GALNT16: variants seen among roughly 807,000 people sequenced by gnomAD.
GALNT16 encodes polypeptide N-acetylgalactosaminyltransferase 16, also known as UDP-GalNAc:polypeptide N-acetylgalactosaminyltransferase-like protein 1.
GALNT16 carries 40 observed loss-of-function variants against 76.1 expected under a neutral mutation model. The observed-to-expected ratio is 0.53, with a 90% CI of 0.41 to 0.68. The LOEUF (loss-of-function observed/expected upper bound fraction) is 0.68, where lower values mean the gene tolerates loss of function less well. Among genes scored for constraint, GALNT16 ranks in the 30% least tolerant of loss-of-function variants. The pLI, the probability that GALNT16 is intolerant of heterozygous loss-of-function variation, is 0.00. For synonymous variants in GALNT16, 276 were observed against 285.2 expected (o/e 0.97, Z 0.32); for missense variants, 621 against 731.9 (o/e 0.85, Z 1.75).
intron 1 of GALNT16, among the ~76,000 whole-genome samples, chr14:69,304,211 G>A (rs2044898746): frequency 1.3e-5 from 2 of 152,172 alleles, no homozygotes; most frequent in Non-Finnish European, 2.9e-5. Flanking sequence ...TACCCCTTCA[G>A]TTCTGATTTG....
At chr14:69,296,297 ACCTC>A (rs2044758715) in intron 1 of GALNT16, among the ~76,000 whole-genome samples, 1 of 151,852 alleles carries the variant, frequency 6.6e-6, no homozygotes, top group South Asian at 2.1e-4. Context: ...TGGTCCAATC[ACCTC>A]CCTCCAGGCC....
At chr14:69,326,506 C>G (rs946369660) in intron 5 of GALNT16, among the ~76,000 whole-genome samples, 1 of 152,182 alleles carries the variant, frequency 6.6e-6, no homozygotes, top group Non-Finnish European at 1.5e-5. Flanking sequence ...GGGTCAGAAT[C>G]CACTGCAGCC....
At chr14:69,310,241 T>C (rs1169614653) in intron 1 of GALNT16, among the ~76,000 whole-genome samples, 3 of 152,182 alleles carry the variant, frequency 2.0e-5, no homozygotes, top group African/African-American at 4.8e-5. Flanking sequence ...TACTATTATA[T>C]GAATAGCATC....
intron 14 of GALNT16, chr14:69,349,831 G>T (rs1230420685): frequency 6.6e-6 from 1 of 152,250 alleles, no homozygotes; most frequent in Non-Finnish European, 1.5e-5. Flanking sequence ...CCCTGAGATT[G>T]TGCCTAATAG....
intron 6 of GALNT16, among the ~76,000 whole-genome samples, chr14:69,330,487 G>A (rs931494018): frequency 6.6e-6 from 1 of 152,160 alleles, no homozygotes; most frequent in South Asian, 2.1e-4. Flanking sequence ...CATCAATTGT[G>A]TACTTTAAAC....
intron 1 of GALNT16, among the ~76,000 whole-genome samples, chr14:69,278,674 T>A (rs915377229): frequency 6.6e-6 from 1 of 152,218 alleles, no homozygotes; most frequent in Admixed American, 6.5e-5. Flanking sequence ...TGTTGTATTT[T>A]AGGTAAAAAA....
At chr14:69,341,812 G>C in intron 12 of GALNT16, 48 bp downstream of exon 12, 1 of 1,321,272 alleles carries the variant, frequency 7.6e-7, no homozygotes, top group Non-Finnish European at 1.1e-6. Flanking sequence ...GTAGGGGGTG[G>C]TTGGGGCCAG....
intron 1 of GALNT16, among the ~76,000 whole-genome samples, chr14:69,313,874 T>C (rs1317327573): frequency 2.6e-5 from 4 of 152,232 alleles, no homozygotes; most frequent in Non-Finnish European, 4.4e-5. Context: ...AAAACCAGAC[T>C]CGCGGTTAGC....
chr14:69,322,665 G>T (rs1051294982), intron 2 of GALNT16, among the ~76,000 whole-genome samples: 1 of 152,194 alleles, frequency 6.6e-6, no homozygotes, highest in African/African-American at 2.4e-5. Context: ...GCTGAGGTGG[G>T]TGGATCATTT....
chr14:69,274,039 G>T (rs1301261290), intron 1 of GALNT16, among the ~76,000 whole-genome samples: 2 of 152,130 alleles, frequency 1.3e-5, no homozygotes, highest in Admixed American at 1.3e-4. Context: ...AAGTGTCAGG[G>T]TTCATATTCT....
At chr14:69,269,620 G>A (rs2044381660) in intron 1 of GALNT16, among the ~76,000 whole-genome samples, 1 of 147,320 alleles carries the variant, frequency 6.8e-6, no homozygotes, top group African/African-American at 2.5e-5. Context: ...TATATGTTGT[G>A]TGTGTGTGGT....
At chr14:69,385,556 C>T in the GALNT16 span, among the ~76,000 whole-genome samples, 1 of 151,610 alleles carries the variant, frequency 6.6e-6, no homozygotes, top group Admixed American at 6.6e-5. Context: ...GCAAACTTAC[C>T]ATTACTTTTC....
At chr14:69,359,870 C>T (rs1303475036), downstream of GALNT16, among the ~76,000 whole-genome samples, 1 of 151,724 alleles carries the variant, frequency 6.6e-6, no homozygotes, top group Non-Finnish European at 1.5e-5. Flanking sequence ...ACTAAAAATA[C>T]AAAAAATTAT....
At chr14:69,312,119 C>G (rs1444475262) in intron 1 of GALNT16, among the ~76,000 whole-genome samples, 3 of 150,868 alleles carry the variant, frequency 2.0e-5, no homozygotes, top group African/African-American at 7.3e-5. Flanking sequence ...ATCTATCTGT[C>G]TAATATATAT....
chr14:69,290,176 T>C (rs763542626), intron 1 of GALNT16, among the ~76,000 whole-genome samples: 1 of 152,230 alleles, frequency 6.6e-6, no homozygotes, highest in Non-Finnish European at 1.5e-5. Context: ...CATGTGTTCA[T>C]CTTTCTCACC....
rs554029977 is a variant in GALNT16 at position 69,317,210 on chromosome 14, T to A, written c.178-3501T>A. ...TGCAGCCAAGTGCCAAATGATGCAT[T>A]TACTCCCTCGCCAATACACTTAGTG... On this transcript the variant is annotated intron_variant, in intron 1 of 14. Transcript: ENST00000448469. Among the ~76,000 whole-genome samples, 11 of 152,278 alleles carry A rather than the reference T, an allele frequency of 7.2e-5. No individual in the cohort carries two copies. The South Asian group carries it at 2.3e-3, about 32-fold the overall frequency.
the GALNT16 span, among the ~76,000 whole-genome samples, chr14:69,379,441 A>T: frequency 1.3e-5 from 2 of 152,152 alleles, no homozygotes; most frequent in African/African-American, 4.8e-5. Context: ...CAAAAAAAAT[A>T]GTTAAGGCCC....
At chr14:69,336,175 A>G (rs1311474932) in intron 9 of GALNT16, among the ~76,000 whole-genome samples, 1 of 151,932 alleles carries the variant, frequency 6.6e-6, no homozygotes, top group East Asian at 1.9e-4. Context: ...CAGTGGCACA[A>G]TCTTACTCAT....
At chr14:69,332,371 A>G (rs2045361703) in intron 7 of GALNT16, among the ~76,000 whole-genome samples, 1 of 134,252 alleles carries the variant, frequency 7.4e-6, no homozygotes, top group Admixed American at 7.2e-5. Context: ...CAAATTAAAT[A>G]AAACTTAAAA....
Sources: gnomAD v4.1 joint callset for allele counts (sites outside exome capture counted in the v4.1 genomes callset) on GRCh38, gnomAD v4.1.1 for gene constraint, MANE v1.5 for transcripts, NCBI Gene and HGNC (gene_info 2026-07-23, HGNC 2026-07-21) for gene names.